SLC35F1: variants seen among roughly 807,000 people sequenced by gnomAD.
SLC35F1 encodes chromosome 6 open reading frame 169.
A neutral mutation model predicts 48.7 loss-of-function variants in SLC35F1; 14 were observed. The observed-to-expected ratio is 0.29, with a 90% CI of 0.19 to 0.45. The LOEUF is 0.45. SLC35F1 is among the 20% of genes least tolerant of loss of function. SLC35F1 has a pLI of 1.00. For synonymous variants in SLC35F1, 190 were observed against 202.2 expected (o/e 0.94, Z 0.51); for missense variants, 404 against 500.0 (o/e 0.81, Z 1.83).
At chr6:118,152,557 C>A (rs980296570) in intron 1 of SLC35F1, among the ~76,000 whole-genome samples, 5 of 152,160 alleles carry the variant, frequency 3.3e-5, no homozygotes, top group African/African-American at 1.2e-4. Flanking sequence ...ACTCACTTGT[C>A]AGGACAATGA....
At chr6:118,072,368 T>C (rs977657069) in intron 1 of SLC35F1, among the ~76,000 whole-genome samples, 1 of 151,988 alleles carries the variant, frequency 6.6e-6, no homozygotes, top group Non-Finnish European at 1.5e-5. Flanking sequence ...ATCGAGACCA[T>C]CCTGGCTAAC....
intron 1 of SLC35F1, among the ~76,000 whole-genome samples, chr6:117,956,182 G>A (rs1205201309): frequency 6.6e-6 from 1 of 152,186 alleles, no homozygotes; most frequent in Non-Finnish European, 1.5e-5. Flanking sequence ...CCCCAGGGTA[G>A]TGCACAAATA....
At chr6:118,210,461 C>T (rs752273224) in intron 2 of SLC35F1, among the ~76,000 whole-genome samples, 5 of 152,064 alleles carry the variant, frequency 3.3e-5, no homozygotes, top group African/African-American at 4.8e-5. Context: ...AAAAAAGAAA[C>T]GAAGTACAAA....
At chr6:118,000,100 G>A (rs1452371795) in intron 1 of SLC35F1, among the ~76,000 whole-genome samples, 3 of 152,118 alleles carry the variant, frequency 2.0e-5, no homozygotes, top group East Asian at 1.9e-4. Context: ...CTCATTTTAC[G>A]AGGCCAGCAT....
At chr6:118,038,194 CAGTA>C (rs765984141) in intron 1 of SLC35F1, among the ~76,000 whole-genome samples, 1 of 152,016 alleles carries the variant, frequency 6.6e-6, no homozygotes, top group Non-Finnish European at 1.5e-5. Flanking sequence ...TTACTTAAAG[CAGTA>C]AGTAACTTAA....
At chr6:118,041,032 T>C (rs1174600106) in intron 1 of SLC35F1, among the ~76,000 whole-genome samples, 1 of 152,102 alleles carries the variant, frequency 6.6e-6, no homozygotes, top group Non-Finnish European at 1.5e-5. Flanking sequence ...TCTAGTATTA[T>C]AAGAAATATG....
chr6:118,241,170 C>G (rs1158883140), intron 3 of SLC35F1, among the ~76,000 whole-genome samples: 1 of 152,102 alleles, frequency 6.6e-6, no homozygotes, highest in Non-Finnish European at 1.5e-5. Flanking sequence ...CTGAATTTTT[C>G]TTAGGAAACA....
At chr6:118,078,313 G>A (rs958950639) in intron 1 of SLC35F1, among the ~76,000 whole-genome samples, 9 of 152,090 alleles carry the variant, frequency 5.9e-5, no homozygotes, top group South Asian at 4.1e-4. Flanking sequence ...AAAATAGAAC[G>A]GATGGAATTT....
intron 7 of SLC35F1, among the ~76,000 whole-genome samples, chr6:118,296,251 A>G (rs925744695): frequency 2.0e-5 from 3 of 152,226 alleles, no homozygotes; most frequent in Non-Finnish European, 4.4e-5. Context: ...CATAAACCCA[A>G]AATAGTTACT....
At chr6:117,936,153 C>T (rs544567719) in intron 1 of SLC35F1, among the ~76,000 whole-genome samples, 11 of 152,208 alleles carry the variant, frequency 7.2e-5, no homozygotes, top group Middle Eastern at 6.8e-3. Flanking sequence ...CTAGGATCTG[C>T]CTTTGTTGGA....
At chr6:118,111,187 G>T (rs1562293142) in intron 1 of SLC35F1, among the ~76,000 whole-genome samples, 1 of 152,202 alleles carries the variant, frequency 6.6e-6, no homozygotes, top group African/African-American at 2.4e-5. Flanking sequence ...AAGTAATGAT[G>T]GCTGAGTATT....
chr6:117,964,776 G>T (rs1233558466), intron 1 of SLC35F1, among the ~76,000 whole-genome samples: 3 of 152,214 alleles, frequency 2.0e-5, no homozygotes, highest in Admixed American at 6.5e-5. Flanking sequence ...AGGACTTGCT[G>T]CTCACCACAC....
At chr6:118,153,747 T>C (rs939346887) in intron 1 of SLC35F1, among the ~76,000 whole-genome samples, 1 of 152,222 alleles carries the variant, frequency 6.6e-6, no homozygotes, top group Non-Finnish European at 1.5e-5. Context: ...AAAGGTTGTA[T>C]TACACCACCA....
intron 1 of SLC35F1, among the ~76,000 whole-genome samples, chr6:118,053,410 C>T (rs776640478): frequency 1.6e-4 from 25 of 151,638 alleles, no homozygotes; most frequent in Non-Finnish European, 2.6e-4. Flanking sequence ...CTCAAATATC[C>T]GTGGAGGAAA....
chr6:118,129,586 G>A (rs1773679876), intron 1 of SLC35F1, among the ~76,000 whole-genome samples: 2 of 152,144 alleles, frequency 1.3e-5, no homozygotes, highest in South Asian at 4.1e-4. Flanking sequence ...GCTGGGATGA[G>A]GGTGTTGGCG....
At chr6:118,259,646 A>G (rs945323332) in intron 3 of SLC35F1, among the ~76,000 whole-genome samples, 1 of 151,780 alleles carries the variant, frequency 6.6e-6, no homozygotes, top group African/African-American at 2.4e-5. Flanking sequence ...GTCACTAGAA[A>G]AATGCAAATC....
chr6:118,058,189 T>C (rs1160443349), intron 1 of SLC35F1, among the ~76,000 whole-genome samples: 2 of 152,116 alleles, frequency 1.3e-5, no homozygotes, highest in African/African-American at 2.4e-5. Flanking sequence ...GCATAGAATA[T>C]GAGGGGGTGC....
intron 1 of SLC35F1, among the ~76,000 whole-genome samples, chr6:117,914,585 G>T (rs1562235818): frequency 6.6e-6 from 1 of 152,160 alleles, no homozygotes; most frequent in Non-Finnish European, 1.5e-5. Context: ...GGCACTGCTG[G>T]ATCACAATGG....
chr6:118,046,017 A>G (rs575580595), intron 1 of SLC35F1, among the ~76,000 whole-genome samples: 1 of 152,162 alleles, frequency 6.6e-6, no homozygotes, highest in African/African-American at 2.4e-5. Flanking sequence ...AACCTGTTAT[A>G]TTGGAAAGTA....
Sources: allele counts gnomAD v4.1 joint callset (sites outside exome capture counted in the v4.1 genomes callset), GRCh38; gene constraint gnomAD v4.1.1; transcripts MANE v1.5; gene names NCBI Gene and HGNC (gene_info 2026-07-23, HGNC 2026-07-21).